The following PCM1 variants were observed in gnomAD, a reference collection of about 807,000 sequenced individuals.
PCM1 encodes the protein pericentriolar material 1.
PCM1 carries 157 observed loss-of-function variants against 241.9 expected under a neutral mutation model. The observed-to-expected ratio is 0.65, with a 90% CI of 0.57 to 0.74. The LOEUF (loss-of-function observed/expected upper bound fraction) is 0.74, where lower values mean the gene tolerates loss of function less well. Among genes scored for constraint, PCM1 ranks in the 30% least tolerant of loss-of-function variants. The pLI, the probability that PCM1 is intolerant of heterozygous loss-of-function variation, is 0.00. For synonymous variants in PCM1, 1,085 were observed against 784.9 expected, an observed-to-expected ratio of 1.38 and a Z score of -6.39; for missense variants, 3,478 against 2,360.1, an observed-to-expected ratio of 1.47 and a Z score of -9.81.
chr8:18,020,689 T>G (rs1055950783), intron 36 of PCM1, among the ~76,000 whole-genome samples: 11 of 152,248 alleles, frequency 7.2e-5, no homozygotes, highest in Admixed American at 3.9e-4. Context: ...CAGTATGAAC[T>G]AATAGAAAAG....
chr8:17,949,390 A>G (rs1344433126), intron 7 of PCM1, among the ~76,000 whole-genome samples: 1 of 152,162 alleles, frequency 6.6e-6, no homozygotes, highest in East Asian at 1.9e-4. Context: ...AGTTTTGACT[A>G]GACATATAGG....
chr8:17,998,781 A>G (rs936828035), intron 29 of PCM1, among the ~76,000 whole-genome samples: 14 of 151,996 alleles, frequency 9.2e-5, no homozygotes, highest in African/African-American at 1.7e-4. Context: ...GAGTTCCCCC[A>G]GGTCCCTAAT....
chr8:18,022,971 T>C (rs957758350), intron 36 of PCM1, among the ~76,000 whole-genome samples: 1 of 152,188 alleles, frequency 6.6e-6, no homozygotes, highest in African/African-American at 2.4e-5. Context: ...GGTACCCATG[T>C]GTAATACATA....
At chr8:17,923,811 C>T (rs1366673350) in intron 1 of PCM1, among the ~76,000 whole-genome samples, 1 of 152,072 alleles carries the variant, frequency 6.6e-6, no homozygotes, top group Non-Finnish European at 1.5e-5. Context: ...TTTCTCCCTT[C>T]CTACCTATCT....
intron 23 of PCM1, among the ~76,000 whole-genome samples, chr8:17,979,291 C>G (rs2079857457): frequency 1.3e-5 from 2 of 152,028 alleles, no homozygotes; most frequent in African/African-American, 2.4e-5. Flanking sequence ...ATTTGGGAAG[C>G]ATTAGGTCAA....
At chr8:18,026,340 C>T (rs2094208205) in intron 38 of PCM1, among the ~76,000 whole-genome samples, 1 of 147,100 alleles carries the variant, frequency 6.8e-6, no homozygotes, top group Admixed American at 6.8e-5. Context: ...CTGCAAGCTC[C>T]TCCGCCTCCC....
At chr8:17,963,323 A>T (rs2073374640) in intron 17 of PCM1, 32 bp downstream of exon 17, 1 of 1,519,468 alleles carries the variant, frequency 6.6e-7, no homozygotes, top group East Asian at 2.3e-5. Context: ...CTTTTCTAAA[A>T]ATGTCACCTG....
At chr8:17,993,388 C>T (rs866082452) in intron 28 of PCM1, 95 bp from the exon 29 acceptor site, 2 of 805,810 alleles carry the variant, frequency 2.5e-6, no homozygotes, top group Non-Finnish European at 3.7e-6. Context: ...AGCATAAAAT[C>T]ATCAAATTTA....
In PCM1 at chr8:17,937,180, A is replaced by G. The variant is rs199608990; in HGVS notation, c.143A>G (p.Asn48Ser). The G allele has an allele frequency of 1.3e-6, 2 of 1,587,980 alleles. No homozygotes were observed. Among genetic ancestry groups the G allele is most frequent in the Admixed American group, 1.8e-5 (1 of 55,658 alleles). ...AAAGCAAATAGATCATCAGAAAAGA[A>G]TAAGAAAAAGTTTGGTGTAGAAAGT... Reference protein sequence around the residue: ...QKKANRSSEKNKKKFGVESDK... With the variant: ...QKKANRSSEKSKKKFGVESDK... The change falls in exon 4 of 39, where the codon AAT becomes AGT. Residue 48 changes from asparagine (N) to serine (S), a missense_variant. Coordinates refer to ENST00000325083, the MANE Select transcript of PCM1 (RefSeq NM_006197.4).
rs563324513 is a variant in PCM1, at chr8:17,956,185, G to A, written c.1473-419G>A. ...AGTATGTAGTGTATAGATCTCATAT[G>A]TGCAGACAAATCAAGAACCTTCCAT... On this transcript the variant is annotated intron_variant, in intron 10 of 38. Coordinates refer to ENST00000325083, the MANE Select transcript of PCM1 (RefSeq NM_006197.4). Among the ~76,000 whole-genome samples, 6 of 152,308 alleles carry A rather than the reference G, an allele frequency of 3.9e-5. No individual in the cohort carries two copies. The South Asian group carries it at 1.2e-3, about 32-fold the overall frequency.
At chr8:18,007,792 C>G (rs1260895539) in intron 30 of PCM1, among the ~76,000 whole-genome samples, 1 of 152,154 alleles carries the variant, frequency 6.6e-6, no homozygotes, top group African/African-American at 2.4e-5. Context: ...CACAAAGCAC[C>G]CAGCATATGT....
chr8:18,016,799 G>A (rs917595710), intron 36 of PCM1, among the ~76,000 whole-genome samples: 1 of 152,250 alleles, frequency 6.6e-6, no homozygotes, highest in African/African-American at 2.4e-5. Flanking sequence ...CACTCTGGAC[G>A]ATGTGACAGA....
intron 23 of PCM1, among the ~76,000 whole-genome samples, chr8:17,976,868 G>GTT (rs550037573): frequency 8.9e-5 from 13 of 146,350 alleles, no homozygotes; most frequent in African/African-American, 3.0e-4. Flanking sequence ...TATAAAACCA[G>GTT]TTTTTTTTTT....
rs2061202219 is a variant in PCM1, at chr8:17,938,854, A to G, written c.457A>G (p.Ser153Gly). ...GCCTATGCAGATTAATACTAACAAG[A>G]GCAAAGATGCATCTACAAACCCCCC... The part of the protein sequence containing the change: ...FLPMQINTNK[S>G]KDASTNPPNR... The change falls in exon 5 of 39, where the codon AGC becomes GGC. Residue 153 changes from serine to glycine, a missense_variant. By Grantham distance (56) the Ser-to-Gly change is moderately conservative. Coordinates refer to ENST00000325083, the MANE Select transcript of PCM1 (RefSeq NM_006197.4). The G allele has an allele frequency of 6.2e-7, 1 of 1,613,722 alleles. No individual in the cohort carries two copies. Among genetic ancestry groups the G allele is most frequent in the Non-Finnish European group, 8.5e-7 (1 of 1,179,626 alleles).
At chr8:17,942,216 T>C (rs1217229003) in intron 6 of PCM1, among the ~76,000 whole-genome samples, 2 of 152,202 alleles carry the variant, frequency 1.3e-5, no homozygotes, top group East Asian at 3.8e-4. Flanking sequence ...GTGGTAATTC[T>C]AGCACTTTGG....
At chr8:18,003,007 C>T (rs533551215) in intron 29 of PCM1, among the ~76,000 whole-genome samples, 8 of 152,282 alleles carry the variant, frequency 5.3e-5, no homozygotes, top group Admixed American at 5.2e-4. Flanking sequence ...CACATACCTA[C>T]CTGCATGGCT....
At chr8:18,000,979 G>A (rs904893527) in intron 29 of PCM1, among the ~76,000 whole-genome samples, 2 of 152,162 alleles carry the variant, frequency 1.3e-5, no homozygotes, top group African/African-American at 4.8e-5. Context: ...TAGTCATTTG[G>A]TTACTCAGCT....
intron 6 of PCM1, among the ~76,000 whole-genome samples, chr8:17,945,882 C>G (rs2063614712): frequency 1.3e-5 from 2 of 151,884 alleles, no homozygotes; most frequent in African/African-American, 4.8e-5. Context: ...GTTAGCAGTA[C>G]AAATTTAAAA....
At chr8:18,025,752 C>A in intron 38 of PCM1, 94 bp downstream of exon 38, 2 of 704,482 alleles carry the variant, frequency 2.8e-6, no homozygotes, top group East Asian at 2.9e-5. Context: ...CTACTACTGA[C>A]CTGGGAGATT....
Sources: allele counts gnomAD v4.1 joint callset (sites outside exome capture counted in the v4.1 genomes callset), GRCh38; gene constraint gnomAD v4.1.1; transcripts MANE v1.5; gene names NCBI Gene and HGNC (gene_info 2026-07-23, HGNC 2026-07-21).